The following VSIG10L2 variants were observed in gnomAD, a reference collection of about 807,000 sequenced individuals.
VSIG10L2 encodes V-set and immunoglobulin domain containing 10 like 2.
A neutral mutation model predicts 67.1 loss-of-function variants in VSIG10L2; 56 were observed. The observed-to-expected ratio is 0.83, with a 90% CI of 0.67 to 1.04. VSIG10L2 has a LOEUF of 1.04. Ranked by LOEUF, VSIG10L2 falls within the 50% of genes least tolerant of loss-of-function variation. The pLI is 0.00. For synonymous variants in VSIG10L2, 360 were observed against 396.6 expected (o/e 0.91, Z 1.10); for missense variants, 843 against 932.8 (o/e 0.90, Z 1.25).
chr11:125,953,383 CCT>C lies in VSIG10L2; in HGVS notation c.1496-12_1496-11del, dbSNP rs1945404119. On this transcript the variant is annotated splice_polypyrimidine_tract_variant and intron_variant, in intron 6 of 11. Transcript: ENST00000686984. ...AAGCCCTCCCACTAGCCGGCCTCAT[CCT>C]CTCTGTCCCCGCAGAAGCCCCACAG... 1 of 1,232,454 alleles carries C rather than the reference CCT, an allele frequency of 8.1e-7. No individual in the cohort carries two copies. Among genetic ancestry groups the C allele is most frequent in the African/African-American group, 1.5e-5 (1 of 64,550 alleles). The allele number at this position is 1,232,454 out of a possible 1,614,324, so 76.3% of individuals were successfully genotyped here.
At chr11:125,947,620 C>T in intron 1 of VSIG10L2, 66 bp from the exon 2 acceptor site, 1 of 1,231,966 alleles carries the variant, frequency 8.1e-7, no homozygotes, top group Middle Eastern at 3.1e-4. Context: ...AGGCTCCAGG[C>T]AAGGCAGGGA....
chr11:125,950,236 G>A lies in VSIG10L2; in HGVS notation c.932G>A (p.Arg311His), dbSNP rs7103147. ...ACAGGCCTGTACACCTGCCTGGCCC[G>A]CAACAGCTACCTGGACACCCGCACC... The part of the protein sequence containing the change: ...VHTGLYTCLA[R>H]NSYLDTRTQT... The change falls in exon 4 of 12, where the codon CGC becomes CAC. Residue 311 changes from arginine (R) to histidine (H), a missense_variant. Arg to His is a conservative substitution (Grantham distance 29). Transcript: ENST00000686984. 60,909 of 1,232,452 alleles carry A rather than the reference G, an allele frequency of 0.049. 2,198 individuals are homozygous for A. Among genetic ancestry groups the A allele is most frequent in the African/African-American group, 0.18 (11,472 of 64,540 alleles). 76.3% of individuals were successfully genotyped at this position (1,232,452 alleles called of 1,614,324 possible). A position where few individuals can be genotyped will look rare whatever the true frequency, so the allele number is the denominator to read the frequency against.
rs1482162977 is a variant in VSIG10L2, at chr11:125,953,648, G to A, written c.1744G>A (p.Ala582Thr). ...CACCTACCAATGCGTGGCCCGCAAC[G>A]CCGTGGGCAATAGCAGTCAGAGTGT... Reference protein sequence around the residue: ...RGTYQCVARNAVGNSSQSVLL... With the variant: ...RGTYQCVARNTVGNSSQSVLL... The change falls in exon 7 of 12, where the codon GCC becomes ACC. Residue 582 changes from alanine to threonine, a missense_variant. This residue lies in a region of VSIG10L2 where 397 missense variants were observed against 384.4 expected (regional missense o/e 1.03). Coordinates refer to ENST00000686984, the MANE Select transcript of VSIG10L2 (RefSeq NM_001365077.2). The A allele has an allele frequency of 3.2e-5, 40 of 1,232,138 alleles. No homozygotes were observed. Among genetic ancestry groups the A allele is most frequent in the Admixed American group, 4.2e-5 (1 of 23,704 alleles). 76.3% of individuals were successfully genotyped at this position (1,232,138 alleles called of 1,614,324 possible). A position where few individuals can be genotyped will look rare whatever the true frequency, so the allele number is the denominator to read the frequency against.
chr11:125,955,030 C>T, intron 8 of VSIG10L2, 27 bp from the exon 9 acceptor site: 2 of 1,233,688 alleles, frequency 1.6e-6, no homozygotes, highest in Non-Finnish European at 2.0e-6. Context: ...GGCTCTAAAC[C>T]ATGGAACCTG....
intron 6 of VSIG10L2, 51 bp downstream of exon 6, chr11:125,952,124 C>G: frequency 2.7e-6 from 4 of 1,491,734 alleles, no homozygotes; most frequent in Non-Finnish European, 3.6e-6. Context: ...GAGGAGGAAC[C>G]CTTTGGAATC....
intron 3 of VSIG10L2, among the ~76,000 whole-genome samples, chr11:125,949,725 G>T (rs78839641): frequency 5.9e-5 from 9 of 152,228 alleles, no homozygotes; most frequent in African/African-American, 2.2e-4. Context: ...CAGGCACATG[G>T]GAAGCATTGG....
chr11:125,953,799 GACGCT>G, intron 7 of VSIG10L2, 109 bp downstream of exon 7: 2 of 1,109,740 alleles, frequency 1.8e-6, no homozygotes, highest in Non-Finnish European at 2.3e-6. Context: ...CCAAAATTTG[GACGCT>G]TGAGCTTCCT....
intron 6 of VSIG10L2, among the ~76,000 whole-genome samples, chr11:125,952,626 G>C (rs1383566763): frequency 6.6e-6 from 1 of 151,980 alleles, no homozygotes; most frequent in Non-Finnish European, 1.5e-5. Context: ...ATTTGCATAA[G>C]AGAGGTGCCT....
Position 125,951,834 on chromosome 11 carries a change from C to T in VSIG10L2, c.1256C>T (p.Thr419Ile). 4.0e-6 allele frequency: 6 copies of T among 1,515,726 alleles called. No homozygotes were observed. Among genetic ancestry groups the T allele is most frequent in the African/African-American group, 1.4e-5 (1 of 72,886 alleles). 93.9% of individuals were successfully genotyped at this position (1,515,726 alleles called of 1,614,324 possible). Residue 419 changes from threonine to isoleucine, a missense_variant, in exon 6 of 12, where the codon ACC becomes ATC. Around this residue, in one of 2 missense-constraint regions of VSIG10L2, gnomAD observed 446 missense variants for 548.4 expected, o/e 0.81. Transcript: ENST00000686984. The stretch of plus-strand genomic sequence containing the variant: ...CCAGGGGAGCCTCTCGGGAGGCCTA[C>T]CTGCTGGAGCACAGCCACAATGGGG... Reference protein sequence around the residue: ...VMLWEPLGRPTCWSTATMGDQ... With the variant: ...VMLWEPLGRPICWSTATMGDQ...
At position 125,956,196 on chromosome 11, in the gene VSIG10L2, T is replaced by C. The variant is rs1219992370; in HGVS notation, c.*282T>C. ...GGATCTCTGGGTGTCTGAGGGCAAG[T>C]GAAAGCCATGGTACTGGGAAGGATC... On this transcript the variant is annotated 3_prime_UTR_variant, in exon 12 of 12. Coordinates refer to ENST00000686984, the MANE Select transcript of VSIG10L2 (RefSeq NM_001365077.2). The C allele has an allele frequency of 1.7e-6, 1 of 592,452 alleles. No homozygotes were observed. The highest frequency in any genetic ancestry group is 3.2e-6 in the Non-Finnish European group (1 of 316,588). 36.7% of individuals were successfully genotyped at this position (592,452 alleles called of 1,614,324 possible).
chr11:125,953,405 C>G lies in VSIG10L2; in HGVS notation c.1501C>G (p.Pro501Ala). 8.1e-7 allele frequency: 1 copy of G among 1,232,480 alleles called. No homozygotes were observed. The highest frequency in any genetic ancestry group is 4.2e-5 in the Admixed American group (1 of 23,714). 76.3% of individuals were successfully genotyped at this position (1,232,480 alleles called of 1,614,324 possible). ...DPHCHLQLEA[P>A]QLDVAEPRVS... is the part of the protein sequence containing the mutation. ...CATCCTCTCTGTCCCCGCAGAAGCC[C>G]CACAGCTGGACGTGGCTGAGCCCCG... is the stretch of plus-strand genomic sequence containing the variant. The change falls in exon 7 of 12, where the codon CCA (proline) becomes GCA (alanine). Residue 501 changes from proline to alanine, a missense_variant. Around this residue, in one of 2 missense-constraint regions of VSIG10L2, gnomAD observed 397 missense variants for 384.4 expected, o/e 1.03. Coordinates refer to ENST00000686984, the MANE Select transcript of VSIG10L2 (RefSeq NM_001365077.2).
rs925375634 is a variant in VSIG10L2 at position 125,948,424 on chromosome 11, C to T, written c.553C>T (p.Arg185Trp). 2.6e-5 allele frequency: 32 copies of T among 1,232,328 alleles called. No individual in the cohort carries two copies. Among genetic ancestry groups the T allele is most frequent in the Admixed American group, 4.2e-5 (1 of 23,710 alleles). The allele number at this position is 1,232,328 out of a possible 1,614,324, so 76.3% of individuals were successfully genotyped here. Reference protein sequence around the residue: ...TEPVTFAWQHRAPRGLGEALV... With the variant: ...TEPVTFAWQHWAPRGLGEALV... ...GCCCGTGACCTTTGCCTGGCAGCATCGGGCACCCCGAGGCCTTGGAGAGGC... is the reference window on the plus strand; with the variant it reads ...GCCCGTGACCTTTGCCTGGCAGCATTGGGCACCCCGAGGCCTTGGAGAGGC... Residue 185 changes from arginine to tryptophan, a missense_variant, in exon 3 of 12, where the codon CGG becomes TGG. Coordinates refer to ENST00000686984, the MANE Select transcript of VSIG10L2 (RefSeq NM_001365077.2).
chr11:125,948,090 G>A, intron 2 of VSIG10L2, 54 bp downstream of exon 2: 1 of 1,232,410 alleles, frequency 8.1e-7, no homozygotes, highest in Non-Finnish European at 1.0e-6. Flanking sequence ...GGATTTCTCT[G>A]GAAGTGTGCT....
At chr11:125,954,012 G>A in intron 7 of VSIG10L2, 75 bp from the exon 8 acceptor site, 1 of 1,189,968 alleles carries the variant, frequency 8.4e-7, no homozygotes, top group Non-Finnish European at 1.1e-6. Context: ...TCTCTTGACA[G>A]GAGCAAATCT....
chr11:125,947,701 C>T lies in VSIG10L2; in HGVS notation c.98C>T (p.Thr33Ile), dbSNP rs1481109183. ...HLRASGQPHP[T>I]PEAPVEEVVS... ...CTCTCCCCAGGCCAGCCCCACCCGACCCCCGAGGCCCCTGTAGAGGAGGTG... is the reference window on the plus strand; with the variant it reads ...CTCTCCCCAGGCCAGCCCCACCCGATCCCCGAGGCCCCTGTAGAGGAGGTG... The change falls in exon 2 of 12, where the codon ACC (threonine) becomes ATC (isoleucine). Residue 33 changes from threonine to isoleucine, a missense_variant. Physicochemically the swap from Thr to Ile is moderately conservative, Grantham distance 89 (BLOSUM62 -1). This residue lies in a region of VSIG10L2 where 446 missense variants were observed against 548.4 expected (regional missense o/e 0.81). Coordinates refer to ENST00000686984, the MANE Select transcript of VSIG10L2 (RefSeq NM_001365077.2). 2.4e-6 allele frequency: 3 copies of T among 1,232,210 alleles called. No homozygotes were observed. Among genetic ancestry groups the T allele is most frequent in the Non-Finnish European group, 3.0e-6 (3 of 988,118 alleles). 76.3% of individuals were successfully genotyped at this position (1,232,210 alleles called of 1,614,324 possible). A position where few individuals can be genotyped will look rare whatever the true frequency, so the allele number is the denominator to read the frequency against.
chr11:125,947,785 C>A lies in VSIG10L2; in HGVS notation c.182C>A (p.Ala61Asp). ...SVELACGSGP[A>D]PLLVLWSFTP... is the part of the protein sequence containing the mutation. ...GAGCTGGCCTGTGGCTCAGGGCCTG[C>A]CCCGCTGCTGGTCCTCTGGAGCTTC... Residue 61 changes from alanine (A) to aspartate (D), a missense_variant, in exon 2 of 12, where the codon GCC becomes GAC. Ala to Asp is a moderately radical substitution (Grantham distance 126). Around this residue, in one of 2 missense-constraint regions of VSIG10L2, gnomAD observed 446 missense variants for 548.4 expected, o/e 0.81. Coordinates refer to ENST00000686984, the MANE Select transcript of VSIG10L2 (RefSeq NM_001365077.2). 8.1e-7 allele frequency: 1 copy of A among 1,232,650 alleles called. No homozygotes were observed. Among genetic ancestry groups the A allele is most frequent in the Non-Finnish European group, 1.0e-6 (1 of 988,390 alleles). The allele number at this position is 1,232,650 out of a possible 1,614,324, so 76.4% of individuals were successfully genotyped here.
chr11:125,954,187 G>T lies in VSIG10L2; in HGVS notation c.1887G>T (p.Leu629=). Reference sequence around the variant, plus strand: ...GGGCCATCTTAGGACCCGGGAACCTGACGGGCTTCCTGGTGCAGCGGAAGG... The same window carrying T: ...GGGCCATCTTAGGACCCGGGAACCTTACGGGCTTCCTGGTGCAGCGGAAGG... ...LQWAILGPGN[L]TGFLVQRKAS... The change falls in exon 8 of 12, where the codon CTG becomes CTT. Residue 629 remains leucine (L), a synonymous_variant. Transcript: ENST00000686984. 3.2e-6 allele frequency: 4 copies of T among 1,232,264 alleles called. No homozygotes were observed. The highest frequency in any genetic ancestry group is 4.2e-5 in the Admixed American group (1 of 23,728). 76.3% of individuals were successfully genotyped at this position (1,232,264 alleles called of 1,614,324 possible). A position where few individuals can be genotyped will look rare whatever the true frequency, so the allele number is the denominator to read the frequency against.
At chr11:125,947,055 A>T (rs946375783) in intron 1 of VSIG10L2, among the ~76,000 whole-genome samples, 2 of 152,168 alleles carry the variant, frequency 1.3e-5, no homozygotes, top group African/African-American at 4.8e-5. Flanking sequence ...CCATGAGAGC[A>T]GGGGTGGGGG....
At chr11:125,952,949 G>A (rs923329701) in intron 6 of VSIG10L2, among the ~76,000 whole-genome samples, 12 of 152,114 alleles carry the variant, frequency 7.9e-5, no homozygotes, top group Admixed American at 7.9e-4. Context: ...AAATTCCATC[G>A]TAGGAGATTC....
Sources: allele counts gnomAD v4.1 joint callset (sites outside exome capture counted in the v4.1 genomes callset), GRCh38; gene constraint gnomAD v4.1.1; regional missense constraint gnomAD v4.1.1; transcripts MANE v1.5; gene names NCBI Gene and HGNC (gene_info 2026-07-23, HGNC 2026-07-21).